The following MDH1B variants were observed in gnomAD, a reference collection of about 807,000 sequenced individuals.
MDH1B encodes the protein putative malate dehydrogenase 1B.
In MDH1B, 60 loss-of-function variants were observed where a neutral mutation model predicts 61.4. The observed-to-expected ratio is 0.98, with a 90% CI of 0.79 to 1.21. The LOEUF (loss-of-function observed/expected upper bound fraction) is 1.21, where lower values mean the gene tolerates loss of function less well. MDH1B is among the 50% of genes most tolerant of loss of function. The probability of loss-of-function intolerance (pLI) is 0.00; values close to 1 mark genes in which losing one functional copy is unlikely to be tolerated. For synonymous variants in MDH1B, 236 were observed against 218.7 expected (o/e 1.08, Z -0.70); for missense variants, 587 against 632.1 (o/e 0.93, Z 0.76).
intron 10 of MDH1B, among the ~76,000 whole-genome samples, chr2:206,740,784 T>C (rs957651504): frequency 1.3e-5 from 2 of 152,064 alleles, no homozygotes; most frequent in Admixed American, 1.3e-4. Flanking sequence ...AAGGGAAAGG[T>C]GAGAAGCAAG....
At chr2:206,748,939 T>G in intron 7 of MDH1B, 81 bp downstream of exon 7, 1 of 1,229,836 alleles carries the variant, frequency 8.1e-7, no homozygotes, top group Non-Finnish European at 1.2e-6. Context: ...AAGAGCTAGA[T>G]GGGTGGGGAC....
intron 2 of MDH1B, 107 bp from the exon 3 acceptor site, chr2:206,757,478 T>C (rs1688832478): frequency 5.7e-6 from 5 of 884,072 alleles, no homozygotes; most frequent in Non-Finnish European, 8.5e-6. Context: ...TTAATGTCAC[T>C]ATATACACAT....
chr2:206,751,035 A>G lies in MDH1B; in HGVS notation c.951T>C (p.Asn317=). The G allele has an allele frequency of 6.2e-7, 1 of 1,607,538 alleles. No individual in the cohort carries two copies. The highest frequency in any genetic ancestry group is 8.5e-7 in the Non-Finnish European group (1 of 1,175,536). The change falls in exon 6 of 12, where the codon AAT becomes AAC. Residue 317 remains asparagine (N), a synonymous_variant. Transcript: ENST00000374412. ...TTGTTTTTCTCAGATCAACGTAATTATTTCCACTGATATTACCCCAAATGA... is the reference window on the plus strand; with the variant it reads ...TTGTTTTTCTCAGATCAACGTAATTGTTTCCACTGATATTACCCCAAATGA... ...DVIIWGNISG[N]NYVDLRKTRV...
At chr2:206,745,498 T>C (rs1359467286) in intron 9 of MDH1B, 124 bp downstream of exon 9, 19 of 746,632 alleles carry the variant, frequency 2.5e-5, no homozygotes, top group Non-Finnish European at 4.1e-5. Context: ...GTTTATTTTG[T>C]CATTAGTTTA....
At chr2:206,757,885 G>A (rs1688855044) in intron 2 of MDH1B, among the ~76,000 whole-genome samples, 1 of 152,264 alleles carries the variant, frequency 6.6e-6, no homozygotes, top group Admixed American at 6.5e-5. Context: ...ATCATTATCT[G>A]ATTTATATAG....
intron 9 of MDH1B, among the ~76,000 whole-genome samples, chr2:206,743,867 G>T (rs550263820): frequency 5.2e-4 from 79 of 152,240 alleles, no homozygotes; most frequent in African/African-American, 1.9e-3. Context: ...AGATTCATCA[G>T]CAATTCTTGA....
chr2:206,762,952 G>A lies in MDH1B; in HGVS notation c.23-1939C>T, dbSNP rs143385176. Among the ~76,000 whole-genome samples the A allele has an allele frequency of 2.5e-3, 375 of 152,174 alleles. 4 individuals carry two copies. Among genetic ancestry groups the A allele is most frequent in the African/African-American group, 8.6e-3 (355 of 41,504 alleles). Reference sequence around the variant, plus strand: ...AACCCATTAAAAGGTATCATTCTGAGAAGCATCTTGTCTTTATAACTTACA... The same window carrying A: ...AACCCATTAAAAGGTATCATTCTGAAAAGCATCTTGTCTTTATAACTTACA... On this transcript the variant is annotated intron_variant, in intron 1 of 11. Coordinates refer to ENST00000374412, the MANE Select transcript of MDH1B (RefSeq NM_001039845.3).
At chr2:206,740,040 A>T (rs1687721281) in intron 10 of MDH1B, among the ~76,000 whole-genome samples, 1 of 152,180 alleles carries the variant, frequency 6.6e-6, no homozygotes, top group African/African-American at 2.4e-5. Context: ...CTAAATTATT[A>T]TTTTTTTGAT....
At chr2:206,761,943 A>G (rs1379725052) in intron 1 of MDH1B, among the ~76,000 whole-genome samples, 1 of 152,104 alleles carries the variant, frequency 6.6e-6, no homozygotes, top group Non-Finnish European at 1.5e-5. Flanking sequence ...ATCTTTCTCC[A>G]CTATCCTTTT....
chr2:206,741,142 A>T, intron 9 of MDH1B, 38 bp from the exon 10 acceptor site: 1 of 1,611,188 alleles, frequency 6.2e-7, no homozygotes, highest in Non-Finnish European at 8.5e-7. Flanking sequence ...TGGATTTAGA[A>T]TATAACCAAC....
At chr2:206,744,326 TC>T (rs1040314690) in intron 9 of MDH1B, among the ~76,000 whole-genome samples, 8 of 152,162 alleles carry the variant, frequency 5.3e-5, no homozygotes, top group East Asian at 3.9e-4. Context: ...CCTCTGTATT[TC>T]CAGCTCCTAG....
chr2:206,739,945 C>T (rs541603329), intron 10 of MDH1B, among the ~76,000 whole-genome samples: 2 of 152,312 alleles, frequency 1.3e-5, no homozygotes, highest in South Asian at 2.1e-4. Context: ...CCCTGGCCCC[C>T]ATAAACCACT....
chr2:206,765,313 T>A lies in MDH1B; in HGVS notation c.-42A>T, dbSNP rs752190526. 7.6e-6 allele frequency: 12 copies of A among 1,574,404 alleles called. No individual in the cohort carries two copies. The African/African-American group carries it at 1.7e-4, about 22-fold the overall frequency. ...GAGGCAGGGACCGCGGCTTCGCGGT[T>A]TCCTGGCAACCACGCAGCCAAGGGC... On this transcript the variant is annotated 5_prime_UTR_variant, in exon 1 of 12. Transcript: ENST00000374412.
chr2:206,764,819 T>C (rs1461441531), intron 1 of MDH1B, among the ~76,000 whole-genome samples: 8 of 152,130 alleles, frequency 5.3e-5, no homozygotes, highest in Non-Finnish European at 4.4e-5. Context: ...GCCAGGAAGC[T>C]TCCTGCCTCT....
intron 7 of MDH1B, 54 bp from the exon 8 acceptor site, chr2:206,746,480 C>T (rs545734900): frequency 1.9e-6 from 3 of 1,539,948 alleles, no homozygotes; most frequent in African/African-American, 1.4e-5. Context: ...GAAACATGCA[C>T]CTTTTCTGTT....
At position 206,749,090 on chromosome 2, in the gene MDH1B, G is replaced by T. The variant is rs189208827; in HGVS notation, c.1146C>A (p.Ala382=). ...CATGGTACCAGTATTTCAGTGTAGT[G>T]GCTATACTGTGTGCAGCCAAAATGC... ...FGGILAAHSI[A]TTLKYWYHGS... is the part of the protein sequence containing the mutation. Residue 382 remains alanine (A), a synonymous_variant, in exon 7 of 12, where the codon GCC becomes GCA. Transcript: ENST00000374412. 3 of 1,613,702 alleles carry T rather than the reference G, an allele frequency of 1.9e-6. No individual in the cohort carries two copies. Among genetic ancestry groups the T allele is most frequent in the East Asian group, 4.5e-5 (2 of 44,874 alleles).
intron 1 of MDH1B, among the ~76,000 whole-genome samples, chr2:206,763,812 T>A (rs1270775720): frequency 6.6e-6 from 1 of 152,166 alleles, no homozygotes; most frequent in African/African-American, 2.4e-5. Flanking sequence ...CCTTTCTACC[T>A]CTTCTCTGTT....
At chr2:206,754,896 C>T (rs1309695497) in intron 5 of MDH1B, 113 bp downstream of exon 5, 5 of 1,214,786 alleles carry the variant, frequency 4.1e-6, no homozygotes. Flanking sequence ...CTGTTTTATA[C>T]TTCCTATTCC....
Position 206,759,076 on chromosome 2 carries a change from C to T in MDH1B, c.136-1705G>A, listed in dbSNP as rs536500600. On this transcript the variant is annotated intron_variant, in intron 2 of 11. Coordinates refer to ENST00000374412, the MANE Select transcript of MDH1B (RefSeq NM_001039845.3). Reference sequence around the variant, plus strand: ...GGGTTTGTTTTACAAATTATTTCATCACCCAGGTATTCAGCCTAGTGCCCG... The same window carrying T: ...GGGTTTGTTTTACAAATTATTTCATTACCCAGGTATTCAGCCTAGTGCCCG... Among the ~76,000 whole-genome samples the T allele has an allele frequency of 2.1e-3, 313 of 151,418 alleles. 3 individuals are homozygous for T. The highest frequency in any genetic ancestry group is 3.8e-3 in the Non-Finnish European group (255 of 67,870).
Sources: gnomAD v4.1 joint callset for allele counts (sites outside exome capture counted in the v4.1 genomes callset) on GRCh38, gnomAD v4.1.1 for gene constraint, MANE v1.5 for transcripts, NCBI Gene and HGNC (gene_info 2026-07-23, HGNC 2026-07-21) for gene names.